Variants in AKAP9 observed in about 807,000 individuals in gnomAD.
AKAP9 encodes A-kinase anchoring protein 9, also known as A-kinase anchor protein 9.
AKAP9 carries 311 observed loss-of-function variants against 488.5 expected under a neutral mutation model. The ratio of observed to expected loss-of-function variants is 0.64; its 90% CI spans 0.58 to 0.70. The LOEUF (loss-of-function observed/expected upper bound fraction) is 0.70. Ranked by LOEUF, AKAP9 falls within the 30% of genes least tolerant of loss-of-function variation. The pLI, the probability that AKAP9 is intolerant of heterozygous loss-of-function variation, is 0.00. For synonymous variants in AKAP9, 1,462 were observed against 1,483.5 expected, an observed-to-expected ratio of 0.99 and a Z score of 0.33; for missense variants, 4,215 against 4,374.5, an observed-to-expected ratio of 0.96 and a Z score of 1.03.
At chr7:91,958,438 C>T (rs538048473) in intron 1 of AKAP9, among the ~76,000 whole-genome samples, 11 of 152,060 alleles carry the variant, frequency 7.2e-5, no homozygotes, top group South Asian at 2.1e-4. Flanking sequence ...GGGTAGATAA[C>T]GTTAGGGGTA....
intron 1 of AKAP9, among the ~76,000 whole-genome samples, chr7:91,961,939 G>A (rs996618403): frequency 6.6e-6 from 1 of 152,050 alleles, no homozygotes; most frequent in South Asian, 2.1e-4. Flanking sequence ...CTTGAGATCC[G>A]AACCAGTTTT....
At chr7:91,951,270 T>C (rs1032698305) in intron 1 of AKAP9, among the ~76,000 whole-genome samples, 3 of 152,048 alleles carry the variant, frequency 2.0e-5, no homozygotes, top group Non-Finnish European at 4.4e-5. Flanking sequence ...CTTTCTCTTC[T>C]TTCTTTCTCT....
At chr7:92,030,985 T>C (rs1804142992) in intron 15 of AKAP9, among the ~76,000 whole-genome samples, 1 of 152,336 alleles carries the variant, frequency 6.6e-6, no homozygotes, top group South Asian at 2.1e-4. Context: ...GCTATACTCA[T>C]CCCATGTCAT....
chr7:91,992,209 A>G lies in AKAP9; in HGVS notation c.403A>G (p.Arg135Gly). 1 of 1,604,380 alleles carries G rather than the reference A, an allele frequency of 6.2e-7. No individual in the cohort carries two copies. The highest frequency in any genetic ancestry group is 8.5e-7 in the Non-Finnish European group (1 of 1,171,312). The change falls in exon 4 of 50, where the codon AGG becomes GGG. Residue 135 changes from arginine (R) to glycine (G), a missense_variant and splice_region_variant. By Grantham distance (125) the Arg-to-Gly change is moderately radical (BLOSUM62 -2). Coordinates refer to ENST00000356239, the MANE Select transcript of AKAP9 (RefSeq NM_005751.5). ...AACAGGAAAGCCTACAAATTTATTA[A>G]GGGTACAGTATTTAAAACTACTTGT... ...MRTGKPTNLL[R>G]EEEFGVDDSY... is the part of the protein sequence containing the mutation.
intron 3 of AKAP9, among the ~76,000 whole-genome samples, chr7:91,983,420 A>T (rs1440465356): frequency 1.3e-5 from 2 of 152,136 alleles, no homozygotes; most frequent in Non-Finnish European, 2.9e-5. Context: ...CATGGTGTAT[A>T]TGTGCCACAT....
chr7:92,105,791 T>C (rs1040010845), intron 47 of AKAP9, 28 bp downstream of exon 47: 38 of 1,572,904 alleles, frequency 2.4e-5, no homozygotes, highest in African/African-American at 1.3e-5. Context: ...TATTTTCTTA[T>C]GTTTATGACT....
intron 3 of AKAP9, among the ~76,000 whole-genome samples, chr7:91,985,734 G>A (rs534727460): frequency 1.3e-5 from 2 of 151,962 alleles, no homozygotes; most frequent in Admixed American, 6.6e-5. Flanking sequence ...TGCAACCCTC[G>A]CCTGCCGGGT....
intron 46 of AKAP9, among the ~76,000 whole-genome samples, chr7:92,103,982 C>A (rs1210274889): frequency 6.6e-6 from 1 of 152,046 alleles, no homozygotes; most frequent in African/African-American, 2.4e-5. Flanking sequence ...GGTATTCATT[C>A]TGTCTGTGAT....
At chr7:91,996,130 G>A (rs1798374932) in intron 7 of AKAP9, 1 of 293,160 alleles carries the variant, frequency 3.4e-6, no homozygotes, top group Middle Eastern at 1.0e-3. Context: ...TCACAACAGA[G>A]AGAAATTTTA....
At chr7:91,998,597 AT>A (rs964390877) in intron 7 of AKAP9, among the ~76,000 whole-genome samples, 1 of 151,854 alleles carries the variant, frequency 6.6e-6, no homozygotes, top group Non-Finnish European at 1.5e-5. Context: ...ACAATTTTGA[AT>A]TAAATGATTA....
At position 92,095,092 on chromosome 7, in the gene AKAP9, A is replaced by G. The variant is rs146710448; in HGVS notation, c.9648A>G (p.Lys3216=). Residue 3216 remains lysine (K), a synonymous_variant, in exon 40 of 50, where the codon AAA becomes AAG. Transcript: ENST00000356239. The part of the protein sequence containing the change: ...LNDTLASEQK[K]SRELQWALEK... ...ACACATTAGCAAGTGAACAGAAAAA[A>G]TCAAGAGAGCTCCAGTGGGCTTTGG... 5.1e-4 allele frequency: 824 copies of G among 1,614,222 alleles called. 5 individuals carry two copies. In the African/African-American group the frequency reaches 9.4e-3, roughly 18 times the overall value.
At chr7:92,024,467 C>A (rs1802803851) in intron 14 of AKAP9, among the ~76,000 whole-genome samples, 1 of 149,138 alleles carries the variant, frequency 6.7e-6, no homozygotes, top group African/African-American at 2.5e-5. Flanking sequence ...TATATATAAC[C>A]AAATATGTGT....
chr7:92,085,813 T>C, intron 36 of AKAP9, 127 bp downstream of exon 36: 1 of 764,358 alleles, frequency 1.3e-6, no homozygotes, highest in Non-Finnish European at 1.9e-6. Context: ...ATTTTCACAC[T>C]TGAAACTCAG....
chr7:92,047,009 G>A (rs904842439), intron 21 of AKAP9, among the ~76,000 whole-genome samples: 11 of 152,146 alleles, frequency 7.2e-5, no homozygotes, highest in Non-Finnish European at 1.5e-4. Context: ...GAAAGACAGT[G>A]AACTTACTTC....
chr7:91,947,349 T>A (rs890695255), intron 1 of AKAP9, among the ~76,000 whole-genome samples: 8 of 152,130 alleles, frequency 5.3e-5, no homozygotes, highest in Non-Finnish European at 8.8e-5. Flanking sequence ...GCAAGCATTT[T>A]TTTTTCCCCC....
At chr7:92,069,827 A>C (rs1161141455) in intron 26 of AKAP9, among the ~76,000 whole-genome samples, 1 of 152,116 alleles carries the variant, frequency 6.6e-6, no homozygotes. Flanking sequence ...GCTGTAGTGC[A>C]TGACGATCGT....
At chr7:92,081,473 T>TTATATATATATA (rs372040821) in intron 31 of AKAP9, among the ~76,000 whole-genome samples, 1 of 120,410 alleles carries the variant, frequency 8.3e-6, no homozygotes, top group African/African-American at 3.2e-5. Flanking sequence ...CCCGGCTAAT[T>TTATATATATATA]TATATATATA....
chr7:92,032,676 T>C (rs1804471889), intron 16 of AKAP9, among the ~76,000 whole-genome samples: 1 of 152,092 alleles, frequency 6.6e-6, no homozygotes, highest in Non-Finnish European at 1.5e-5. Context: ...AAAACATAAA[T>C]TCGATGAGGA....
At chr7:91,966,552 A>G (rs954439888) in intron 1 of AKAP9, among the ~76,000 whole-genome samples, 6 of 152,170 alleles carry the variant, frequency 3.9e-5, no homozygotes, top group Non-Finnish European at 1.5e-5. Context: ...GTAAATATCA[A>G]TTTAGCCTAT....
Sources: allele counts gnomAD v4.1 joint callset (sites outside exome capture counted in the v4.1 genomes callset), GRCh38; gene constraint gnomAD v4.1.1; transcripts MANE v1.5; gene names NCBI Gene and HGNC (gene_info 2026-07-23, HGNC 2026-07-21).